SAMSN1: variants seen among roughly 807,000 people sequenced by gnomAD.
The protein encoded by SAMSN1 is SAM domain-containing protein SAMSN-1.
A neutral mutation model predicts 42.0 loss-of-function variants in SAMSN1; 31 were observed. The observed-to-expected ratio is 0.74, with a 90% CI of 0.55 to 1.00. The LOEUF (loss-of-function observed/expected upper bound fraction) is 1.00, where lower values mean the gene tolerates loss of function less well. Ranked by LOEUF, SAMSN1 falls within the 50% of genes least tolerant of loss-of-function variation. SAMSN1 has a pLI of 0.00. For missense variants in SAMSN1, 464 were observed against 439.4 expected, an observed-to-expected ratio of 1.06 and a Z score of -0.50; for synonymous variants, 178 against 151.9, an observed-to-expected ratio of 1.17 and a Z score of -1.26.
rs191032637 is a variant in SAMSN1, at chr21:14,642,753, T to C, written c.156+249A>G. On this transcript the variant is annotated intron_variant, in intron 2 of 15. Coordinates refer to the SAMSN1 transcript ENST00000647101. The stretch of plus-strand genomic sequence containing the variant: ...TAGAAAATGATATAATTATTTATAG[T>C]CATAAGGTTGCTTTGAGGATTGTGT... Among the ~76,000 whole-genome samples the C allele has an allele frequency of 2.1e-3, 316 of 152,328 alleles. 2 individuals are homozygous for C. The highest frequency in any genetic ancestry group is 3.7e-3 in the Non-Finnish European group (253 of 68,032).
intron 6 of SAMSN1, among the ~76,000 whole-genome samples, chr21:14,599,895 T>C (rs1568826157): frequency 6.6e-6 from 1 of 152,238 alleles, no homozygotes; most frequent in Non-Finnish European, 1.5e-5. Flanking sequence ...TTTTGTGTTG[T>C]ATTATTGCAA....
At chr21:14,527,196 T>C (rs1338448264) in intron 1 of SAMSN1, among the ~76,000 whole-genome samples, 1 of 152,212 alleles carries the variant, frequency 6.6e-6, no homozygotes, top group East Asian at 1.9e-4. Flanking sequence ...AGCACATCCT[T>C]ATATGAATAT....
chr21:14,594,784 A>G (rs532543854), intron 6 of SAMSN1: 9 of 152,280 alleles, frequency 5.9e-5, no homozygotes, highest in Non-Finnish European at 1.2e-4. Flanking sequence ...GTTGCCCCCA[A>G]ATTAATATGT....
chr21:14,622,421 C>T (rs1289283592), intron 2 of SAMSN1, among the ~76,000 whole-genome samples: 1 of 152,152 alleles, frequency 6.6e-6, no homozygotes, highest in Non-Finnish European at 1.5e-5. Context: ...GTAGAGAAGT[C>T]CTTAAATGAC....
chr21:14,563,545 A>C (rs1981012713), intron 2 of SAMSN1, among the ~76,000 whole-genome samples: 1 of 152,150 alleles, frequency 6.6e-6, no homozygotes, highest in South Asian at 2.1e-4. Context: ...GCTCAATTTA[A>C]GGGGAAAAAA....
chr21:14,562,420 T>C (rs1980975188), intron 2 of SAMSN1, among the ~76,000 whole-genome samples: 2 of 152,082 alleles, frequency 1.3e-5, no homozygotes, highest in African/African-American at 4.8e-5. Context: ...CTGCATAATG[T>C]TACCTGAACA....
chr21:14,602,226 T>C (rs1982455655), intron 5 of SAMSN1: 2 of 312,618 alleles, frequency 6.4e-6, no homozygotes, highest in African/African-American at 2.2e-5. Context: ...GTCAAAAATA[T>C]TTTTTTTTGT....
chr21:14,649,430 AG>A (rs1483103271), intron 1 of SAMSN1, among the ~76,000 whole-genome samples: 41 of 152,168 alleles, frequency 2.7e-4, no homozygotes, highest in Non-Finnish European at 5.4e-4. Flanking sequence ...TAACAATAAA[AG>A]AAAAAATTTT....
intron 2 of SAMSN1, among the ~76,000 whole-genome samples, chr21:14,563,631 T>C (rs1030862636): frequency 2.6e-5 from 4 of 152,152 alleles, no homozygotes; most frequent in African/African-American, 9.7e-5. Context: ...AGTCTTACCA[T>C]GTGAGTGAGC....
chr21:14,529,469 T>A (rs1319272330), intron 1 of SAMSN1, among the ~76,000 whole-genome samples: 3 of 152,170 alleles, frequency 2.0e-5, no homozygotes, highest in Non-Finnish European at 4.4e-5. Context: ...ATGTTGCAAC[T>A]AATGACAATA....
At chr21:14,555,233 C>A (rs1980726615) in intron 2 of SAMSN1, among the ~76,000 whole-genome samples, 1 of 152,194 alleles carries the variant, frequency 6.6e-6, no homozygotes. Context: ...TGCTCCAACT[C>A]TCCATTCACC....
chr21:14,486,894 G>C (rs1021834115), intron 7 of SAMSN1, among the ~76,000 whole-genome samples: 4 of 152,124 alleles, frequency 2.6e-5, no homozygotes, highest in Non-Finnish European at 5.9e-5. Context: ...TACTATTAGG[G>C]ATATAACAAA....
chr21:14,575,539 C>T (rs1260303258), intron 2 of SAMSN1, among the ~76,000 whole-genome samples: 1 of 152,088 alleles, frequency 6.6e-6, no homozygotes, highest in Non-Finnish European at 1.5e-5. Context: ...AATTCCACTG[C>T]AAAAAAGTAA....
chr21:14,500,388 T>C, intron 6 of SAMSN1, 141 bp downstream of exon 6: 1 of 666,454 alleles, frequency 1.5e-6, no homozygotes, highest in Non-Finnish European at 2.6e-6. Flanking sequence ...AAAAGAGAAA[T>C]AAGAGCTCTT....
chr21:14,600,495 A>G (rs1259332004), intron 6 of SAMSN1, among the ~76,000 whole-genome samples: 1 of 152,174 alleles, frequency 6.6e-6, no homozygotes, highest in Non-Finnish European at 1.5e-5. Context: ...TTAGTGATAC[A>G]CTACATGTCA....
chr21:14,597,722 C>T (rs1054483636), intron 6 of SAMSN1, among the ~76,000 whole-genome samples: 4 of 152,092 alleles, frequency 2.6e-5, no homozygotes, highest in Admixed American at 6.5e-5. Context: ...GTTTCCAACC[C>T]GGGTGCCGCT....
At chr21:14,522,363 G>A (rs531012149) in intron 1 of SAMSN1, among the ~76,000 whole-genome samples, 1 of 152,026 alleles carries the variant, frequency 6.6e-6, no homozygotes, top group Admixed American at 6.5e-5. Context: ...TCTGATGTTG[G>A]GTTCTTTGTG....
At chr21:14,534,756 G>A (rs1265836836) in intron 1 of SAMSN1, among the ~76,000 whole-genome samples, 1 of 152,140 alleles carries the variant, frequency 6.6e-6, no homozygotes, top group African/African-American at 2.4e-5. Flanking sequence ...TCAACCCTAT[G>A]TGACATGCTT....
intron 2 of SAMSN1, among the ~76,000 whole-genome samples, chr21:14,562,845 T>C (rs1221278692): frequency 6.6e-6 from 1 of 152,148 alleles, no homozygotes; most frequent in Non-Finnish European, 1.5e-5. Flanking sequence ...CTGTTACGTA[T>C]ATTTCTTCCA....
Sources: gnomAD v4.1 joint callset for allele counts (sites outside exome capture counted in the v4.1 genomes callset) on GRCh38, gnomAD v4.1.1 for gene constraint, MANE v1.5 for transcripts, NCBI Gene and HGNC (gene_info 2026-07-23, HGNC 2026-07-21) for gene names.